RCN2: variants seen among roughly 807,000 people sequenced by gnomAD.
RCN2 encodes reticulocalbin 2, also known as reticulocalbin-2.
In RCN2, 23 loss-of-function variants were observed where a neutral mutation model predicts 37.5. The observed-to-expected ratio is 0.61, with a 90% CI of 0.44 to 0.87. RCN2 has a LOEUF of 0.87. Among genes scored for constraint, RCN2 ranks in the 40% least tolerant of loss-of-function variants. The pLI is 0.00. For synonymous variants in RCN2, 140 were observed against 144.6 expected (o/e 0.97, Z 0.23); for missense variants, 381 against 390.4 (o/e 0.98, Z 0.20).
chr15:76,934,190 T>G (rs1319571963), intron 2 of RCN2, among the ~76,000 whole-genome samples: 1 of 151,988 alleles, frequency 6.6e-6, no homozygotes, highest in East Asian at 1.9e-4. Flanking sequence ...GTCACCCATG[T>G]TGGCGTGCAG....
In RCN2 at chr15:76,947,487, G is replaced by T. The variant is rs1433753497; in HGVS notation, c.628G>T (p.Glu210Ter). The change falls in exon 5 of 7, where the codon GAA (glutamate) becomes TAA (stop). Residue 210 changes from glutamate to a stop codon, truncating the protein, a stop_gained. Coordinates refer to ENST00000394885, the MANE Select transcript of RCN2 (RefSeq NM_002902.3). LOFTEE classifies it high-confidence loss of function. ...KNGDGFVSLE[E>*]FLGDYRWDPT... Reference sequence around the variant, plus strand: ...TGGTGATGGATTTGTTAGTTTGGAAGAATTTCTTGGTGATTACAGGTGGGA... The same window carrying T: ...TGGTGATGGATTTGTTAGTTTGGAATAATTTCTTGGTGATTACAGGTGGGA... 6.2e-7 allele frequency: 1 copy of T among 1,609,592 alleles called. No homozygotes were observed. The highest frequency in any genetic ancestry group is 1.7e-5 in the Admixed American group (1 of 59,268).
chr15:76,949,151 T>C lies in RCN2; in HGVS notation c.883T>C (p.Phe295Leu). Residue 295 changes from phenylalanine (F) to leucine (L), a missense_variant, in exon 7 of 7, where the codon TTT becomes CTT. Coordinates refer to ENST00000394885, the MANE Select transcript of RCN2 (RefSeq NM_002902.3). Reference protein sequence around the residue: ...EEEILENPDLFLTSEATDYGR... With the variant: ...EEEILENPDLLLTSEATDYGR... ...AGAGATTCTGGAAAACCCGGACTTG[T>C]TTCTCACCAGTGAAGCCACAGATTA... 6.2e-7 allele frequency: 1 copy of C among 1,613,448 alleles called. No individual in the cohort carries two copies. The highest frequency in any genetic ancestry group is 8.5e-7 in the Non-Finnish European group (1 of 1,179,670).
chr15:76,946,553 A>G (rs2075297623), intron 4 of RCN2, among the ~76,000 whole-genome samples: 1 of 152,158 alleles, frequency 6.6e-6, no homozygotes, highest in Non-Finnish European at 1.5e-5. Context: ...GGAGTTTGAG[A>G]TCAGCCTTGC....
In RCN2 at chr15:76,931,930, A is replaced by G; in HGVS notation, c.89A>G (p.Tyr30Cys). Residue 30 changes from tyrosine to cysteine, a missense_variant, in exon 1 of 7, where the codon TAC becomes TGC. Tyr to Cys is a radical substitution (Grantham distance 194). Transcript: ENST00000394885. ...GCCGGCAAGGCCGAGGAGCTGCACT[A>G]CCCGCTGGGCGAGCGCCGCAGCGAC... ...AGAGKAEELH[Y>C]PLGERRSDYD... is the part of the protein sequence containing the mutation. The G allele has an allele frequency of 9.9e-6, 13 of 1,311,546 alleles. No individual in the cohort carries two copies. The allele number at this position is 1,311,546 out of a possible 1,614,324, so 81.2% of individuals were successfully genotyped here.
At chr15:76,935,464 A>C in intron 2 of RCN2, 62 bp from the exon 3 acceptor site, 6 of 1,351,806 alleles carry the variant, frequency 4.4e-6, no homozygotes, top group Non-Finnish European at 6.2e-6. Context: ...AGGTTTGGAA[A>C]TCCTTACTCT....
chr15:76,941,801 T>G, intron 3 of RCN2: 1 of 547,216 alleles, frequency 1.8e-6, no homozygotes, highest in Non-Finnish European at 3.0e-6. Context: ...TTGAAAGAGA[T>G]CCTTTCTTTC....
chr15:76,947,496 G>A lies in RCN2; in HGVS notation c.637G>A (p.Gly213Ser). ...DGFVSLEEFL[G>S]DYRWDPTANE... ...ATTTGTTAGTTTGGAAGAATTTCTT[G>A]GTGATTACAGGTGGGATCCAAGTAA... Residue 213 changes from glycine (G) to serine (S), a missense_variant, in exon 5 of 7, where the codon GGT becomes AGT. Transcript: ENST00000394885. 4.4e-6 allele frequency: 7 copies of A among 1,603,586 alleles called. No individual in the cohort carries two copies. The highest frequency in any genetic ancestry group is 1.3e-5 in the African/African-American group (1 of 74,498).
Position 76,947,499 on chromosome 15 carries a change from G to A in RCN2, c.640G>A (p.Asp214Asn). Residue 214 changes from aspartate (D) to asparagine (N), a missense_variant, in exon 5 of 7, where the codon GAT (aspartate) becomes AAT (asparagine). Asp to Asn is a conservative substitution (Grantham distance 23, BLOSUM62 1). Coordinates refer to ENST00000394885, the MANE Select transcript of RCN2 (RefSeq NM_002902.3). ...TGTTAGTTTGGAAGAATTTCTTGGT[G>A]ATTACAGGTGGGATCCAAGTAAGTC... ...GFVSLEEFLG[D>N]YRWDPTANED... The A allele has an allele frequency of 6.2e-7, 1 of 1,604,928 alleles. No individual in the cohort carries two copies. Among genetic ancestry groups the A allele is most frequent in the Non-Finnish European group, 8.5e-7 (1 of 1,174,270 alleles).
intron 3 of RCN2, among the ~76,000 whole-genome samples, chr15:76,941,218 G>A (rs1435652582): frequency 6.6e-6 from 1 of 150,558 alleles, no homozygotes; most frequent in African/African-American, 2.4e-5. Flanking sequence ...GTAGAGATGG[G>A]GTTTCACCAT....
chr15:76,936,487 T>C (rs2075249497), intron 3 of RCN2, among the ~76,000 whole-genome samples: 1 of 152,070 alleles, frequency 6.6e-6, no homozygotes, highest in African/African-American at 2.4e-5. Flanking sequence ...CCCTCACATG[T>C]ACAGTTCACA....
intron 1 of RCN2, 139 bp from the exon 2 acceptor site, chr15:76,932,222 G>C: frequency 4.0e-6 from 3 of 753,902 alleles, no homozygotes; most frequent in Non-Finnish European, 6.7e-6. Flanking sequence ...GTGTGTAGGG[G>C]GTAGGGGCCT....
chr15:76,941,467 G>C, intron 3 of RCN2: 5 of 423,232 alleles, frequency 1.2e-5, no homozygotes, highest in Non-Finnish European at 2.1e-5. Flanking sequence ...TGGCAGTTTT[G>C]TTCCTCACAA....
At chr15:76,935,456 G>A in intron 2 of RCN2, 70 bp from the exon 3 acceptor site, 1 of 1,285,408 alleles carries the variant, frequency 7.8e-7, no homozygotes, top group Admixed American at 2.1e-5. Flanking sequence ...TTCAGAGAAG[G>A]TTTGGAAATC....
intron 3 of RCN2, chr15:76,942,778 T>A (rs2075281102): frequency 6.6e-6 from 1 of 152,028 alleles, no homozygotes; most frequent in Admixed American, 6.6e-5. Context: ...CCCATCTCTA[T>A]CAAAAATACA....
intron 3 of RCN2, among the ~76,000 whole-genome samples, chr15:76,940,809 G>A (rs1387398216): frequency 6.6e-6 from 1 of 151,596 alleles, no homozygotes; most frequent in Non-Finnish European, 1.5e-5. Flanking sequence ...TGATCCACCT[G>A]CCTTGGCCTC....
At chr15:76,938,074 G>T (rs2075260469) in intron 3 of RCN2, among the ~76,000 whole-genome samples, 3 of 152,162 alleles carry the variant, frequency 2.0e-5, no homozygotes, top group East Asian at 1.9e-4. Flanking sequence ...GGATCACCAA[G>T]AATTTTTTTA....
At chr15:76,932,985 G>A (rs976499303) in intron 2 of RCN2, among the ~76,000 whole-genome samples, 1 of 152,078 alleles carries the variant, frequency 6.6e-6, no homozygotes, top group African/African-American at 2.4e-5. Context: ...AAGAAATGAA[G>A]CACAGGGATA....
intron 4 of RCN2, among the ~76,000 whole-genome samples, chr15:76,945,339 T>C (rs867292395): frequency 3.3e-5 from 5 of 152,222 alleles, no homozygotes; most frequent in African/African-American, 7.2e-5. Context: ...ACATCACTTA[T>C]GAAAGCTTTT....
Position 76,952,581 on chromosome 15 carries a change from A to C in RCN2, c.*3359A>C, listed in dbSNP as rs1333562620. On this transcript the variant is annotated 3_prime_UTR_variant, in exon 7 of 7. Transcript: ENST00000394885. ...GAAATTTATACCCATTAAACAATAA[A>C]GCCCCCTTTCCCCTTCCCTTCAGCA... 1 of 152,230 alleles carries C rather than the reference A, an allele frequency of 6.6e-6. No individual in the cohort carries two copies. Among genetic ancestry groups the C allele is most frequent in the Non-Finnish European group, 1.5e-5 (1 of 68,064 alleles). The allele number at this position is 152,230 out of a possible 1,614,324, so 9.4% of individuals were successfully genotyped here.
Sources: allele counts gnomAD v4.1 joint callset (sites outside exome capture counted in the v4.1 genomes callset), GRCh38; gene constraint gnomAD v4.1.1; transcripts MANE v1.5; gene names NCBI Gene and HGNC (gene_info 2026-07-23, HGNC 2026-07-21).